DHX29: variants seen among roughly 807,000 people sequenced by gnomAD.
DHX29 encodes ATP-dependent RNA helicase DHX29.
A neutral mutation model predicts 167.9 loss-of-function variants in DHX29; 79 were observed. The observed-to-expected ratio is 0.47, with a 90% CI of 0.39 to 0.57. The LOEUF (loss-of-function observed/expected upper bound fraction) is 0.57, where lower values mean the gene tolerates loss of function less well. Among genes scored for constraint, DHX29 ranks in the 20% least tolerant of loss-of-function variants. The probability of loss-of-function intolerance (pLI) is 0.00; values close to 1 mark genes in which losing one functional copy is unlikely to be tolerated. For synonymous variants in DHX29, 530 were observed against 546.0 expected, an observed-to-expected ratio of 0.97 and a Z score of 0.41; for missense variants, 1,347 against 1,593.4, an observed-to-expected ratio of 0.85 and a Z score of 2.63.
At chr5:55,278,671 A>G (rs1747244730) in intron 12 of DHX29, among the ~76,000 whole-genome samples, 1 of 152,230 alleles carries the variant, frequency 6.6e-6, no homozygotes, top group South Asian at 2.1e-4. Flanking sequence ...GAAGGCTACT[A>G]AGACAAATGC....
Position 55,267,215 on chromosome 5 carries a change from G to C in DHX29, c.3448C>G (p.Gln1150Glu), listed in dbSNP as rs1468991393. 3.1e-6 allele frequency: 5 copies of C among 1,612,116 alleles called. No individual in the cohort carries two copies. The African/African-American group carries it at 4.0e-5, about 13-fold the overall frequency. The change falls in exon 23 of 27, where the codon CAA becomes GAA. Residue 1150 changes from glutamine to glutamate, a missense_variant. This residue lies in a region of DHX29 where 882 missense variants were observed against 1,082.4 expected (regional missense o/e 0.81). Coordinates refer to ENST00000251636, the MANE Select transcript of DHX29 (RefSeq NM_019030.4). ...NAYLGWKKAR[Q>E]EGGYRSEITY... ...ATTTCAGAACGATAACCTCCTTCTT[G>C]TCGTGCTTTCTTCCATCTAGATAAA...
intron 8 of DHX29, among the ~76,000 whole-genome samples, chr5:55,288,059 A>C (rs1324960551): frequency 6.6e-6 from 1 of 152,072 alleles, no homozygotes; most frequent in Non-Finnish European, 1.5e-5. Context: ...CCTGGTCAAC[A>C]TGGCGAAACC....
At chr5:55,307,302 C>T (rs1244254228) in intron 1 of DHX29, 85 bp downstream of exon 1, 10 of 1,173,130 alleles carry the variant, frequency 8.5e-6, no homozygotes, top group Middle Eastern at 2.1e-4. Flanking sequence ...GGGCCCGAAG[C>T]TCCTCCCGGG....
At position 55,290,211 on chromosome 5, in the gene DHX29, T is replaced by C; in HGVS notation, c.907+7A>G. On this transcript the variant is annotated splice_region_variant and intron_variant, in intron 7 of 26. Coordinates refer to ENST00000251636, the MANE Select transcript of DHX29 (RefSeq NM_019030.4). ...ATTTATACATCTAAGTATTTGAAAG[T>C]GTTTACCTCTTTGAAATTTCCTTAT... 1 of 1,604,444 alleles carries C rather than the reference T, an allele frequency of 6.2e-7. No individual in the cohort carries two copies. Among genetic ancestry groups the C allele is most frequent in the Non-Finnish European group, 8.5e-7 (1 of 1,178,044 alleles).
chr5:55,275,085 G>C, intron 14 of DHX29, 75 bp from the exon 15 acceptor site: 1 of 1,506,944 alleles, frequency 6.6e-7, no homozygotes, highest in Non-Finnish European at 9.0e-7. Flanking sequence ...GAAAAAAGGC[G>C]GTATTTGCAT....
rs756269772 is a variant in DHX29, at chr5:55,289,345, C to G, written c.991G>C (p.Val331Leu). 2 of 1,601,748 alleles carry G rather than the reference C, an allele frequency of 1.2e-6. No homozygotes were observed. The highest frequency in any genetic ancestry group is 1.7e-6 in the Non-Finnish European group (2 of 1,175,886). The change falls in exon 8 of 27, where the codon GTA becomes CTA. Residue 331 changes from valine (V) to leucine (L), a missense_variant. Val to Leu is a conservative substitution (Grantham distance 32, BLOSUM62 1). Transcript: ENST00000251636. ...AATGCACTTTCTCCTTCTGTGGCTA[C>G]AGGAGGCTTTTTCCTTTCATTTTGT... ...HQQNERKKPP[V>L]ATEGESALNF...
At chr5:55,296,644 CATT>C (rs1420984904) in intron 3 of DHX29, among the ~76,000 whole-genome samples, 2 of 152,120 alleles carry the variant, frequency 1.3e-5, no homozygotes, top group African/African-American at 4.8e-5. Flanking sequence ...TTTCACTTAA[CATT>C]ATAACATAAG....
intron 5 of DHX29, chr5:55,295,119 C>G (rs1385439083): frequency 3.2e-6 from 1 of 312,316 alleles, no homozygotes; most frequent in African/African-American, 2.1e-5. Flanking sequence ...TTGGAAGATA[C>G]TTCCTGGAAC....
rs1321401893 is a variant in DHX29, at chr5:55,307,396, C to T, written c.178G>A (p.Val60Ile). 1.2e-6 allele frequency: 2 copies of T among 1,612,790 alleles called. No homozygotes were observed. The highest frequency in any genetic ancestry group is 1.7e-6 in the Non-Finnish European group (2 of 1,179,606). ...AAAAGSREPR[V>I]KQGPKIYSFN... ...GGGGGACCTCTCGTACCTTGCTTGA[C>T]ACGGGGCTCCCTGGAGCCGGCAGCG... The change falls in exon 1 of 27, where the codon GTC becomes ATC. Residue 60 changes from valine (V) to isoleucine (I), a missense_variant. Coordinates refer to ENST00000251636, the MANE Select transcript of DHX29 (RefSeq NM_019030.4).
Position 55,307,297 on chromosome 5 carries a change from C to T in DHX29, c.187+90G>A, listed in dbSNP as rs139446336. ...TGTTGGGAAATAGAAATGTTGGGCC[C>T]GAAGCTCCTCCCGGGTTCTAAGGCC... On this transcript the variant is annotated intron_variant, in intron 1 of 26. Coordinates refer to ENST00000251636, the MANE Select transcript of DHX29 (RefSeq NM_019030.4). The T allele has an allele frequency of 7.9e-4, 889 of 1,127,498 alleles. 6 individuals carry two copies. The African/African-American group carries it at 0.012, about 16-fold the overall frequency. 69.8% of individuals were successfully genotyped at this position (1,127,498 alleles called of 1,614,324 possible).
chr5:55,273,731 C>G (rs980893450), intron 16 of DHX29, among the ~76,000 whole-genome samples: 1 of 151,962 alleles, frequency 6.6e-6, no homozygotes, highest in Admixed American at 6.6e-5. Context: ...CACGATTTAG[C>G]GGGTTGGCAG....
At position 55,269,540 on chromosome 5, in the gene DHX29, A is replaced by G; in HGVS notation, c.3167T>C (p.Ile1056Thr). The change falls in exon 21 of 27, where the codon ATT becomes ACT. Residue 1056 changes from isoleucine to threonine, a missense_variant. Ile to Thr is a moderately conservative substitution (Grantham distance 89). Around this residue, in one of 3 missense-constraint regions of DHX29, gnomAD observed 882 missense variants for 1,082.4 expected, o/e 0.81. Coordinates refer to ENST00000251636, the MANE Select transcript of DHX29 (RefSeq NM_019030.4). Reference sequence around the variant, plus strand: ...AGGCTCATTTAATTCACAAGCTCCAATTTTTCGGAGCAAATTCATTGCATT... The same window carrying G: ...AGGCTCATTTAATTCACAAGCTCCAGTTTTTCGGAGCAAATTCATTGCATT... ...ISNAMNLLRK[I>T]GACELNEPKL... The G allele has an allele frequency of 1.2e-6, 2 of 1,614,054 alleles. No individual in the cohort carries two copies. Among genetic ancestry groups the G allele is most frequent in the East Asian group, 4.5e-5 (2 of 44,870 alleles).
intron 6 of DHX29, among the ~76,000 whole-genome samples, chr5:55,291,411 T>C (rs1380505424): frequency 6.6e-6 from 1 of 152,184 alleles, no homozygotes; most frequent in African/African-American, 2.4e-5. Flanking sequence ...GAGGGTTAGC[T>C]ACCACCTCAA....
chr5:55,298,535 TGGGGGAAAAAA>T, intron 2 of DHX29, 45 bp downstream of exon 2: 1 of 1,074,086 alleles, frequency 9.3e-7, no homozygotes, highest in Non-Finnish European at 1.4e-6. Context: ...ACATCTTTTT[TGGGGGAAAAAA>T]GGGGGAAACA....
At chr5:55,264,070 G>A (rs967379011) in intron 23 of DHX29, among the ~76,000 whole-genome samples, 1 of 151,846 alleles carries the variant, frequency 6.6e-6, no homozygotes, top group Non-Finnish European at 1.5e-5. Context: ...TGAGATGGGA[G>A]GATCGCTTGA....
chr5:55,266,346 G>A (rs952297807), intron 23 of DHX29, among the ~76,000 whole-genome samples: 1 of 126,282 alleles, frequency 7.9e-6, no homozygotes, highest in Non-Finnish European at 1.6e-5. Flanking sequence ...TTTTGCTCTT[G>A]TTGCCCAGGC....
chr5:55,256,501 G>C lies in DHX29; in HGVS notation c.4097C>G (p.Thr1366Arg), dbSNP rs745937824. The C allele has an allele frequency of 1.3e-6, 2 of 1,587,960 alleles. No homozygotes were observed. Among genetic ancestry groups the C allele is most frequent in the Admixed American group, 1.8e-5 (1 of 55,588 alleles). ...TGAATTTCAGTTTCAGTTATTCTCT[G>C]TTTTTATCAATTCCGTAATGATCTG... is the stretch of plus-strand genomic sequence containing the variant. ...ILQIITELIK[T>R]ENN Residue 1366 changes from threonine (T) to arginine (R), a missense_variant, in exon 27 of 27, where the codon ACA becomes AGA. This residue lies in a region of DHX29 where 882 missense variants were observed against 1,082.4 expected (regional missense o/e 0.81). Coordinates refer to ENST00000251636, the MANE Select transcript of DHX29 (RefSeq NM_019030.4).
intron 16 of DHX29, 163 bp from the exon 17 acceptor site, chr5:55,273,540 T>C: frequency 1.3e-6 from 1 of 794,404 alleles, no homozygotes; most frequent in Non-Finnish European, 1.7e-6. Context: ...AAACCTCATA[T>C]ACATGCATCA....
At chr5:55,275,102 A>G in intron 14 of DHX29, 92 bp from the exon 15 acceptor site, 1 of 1,416,320 alleles carries the variant, frequency 7.1e-7, no homozygotes, top group Non-Finnish European at 9.6e-7. Flanking sequence ...GCATTCATTC[A>G]AATCTATATT....
Sources: allele counts gnomAD v4.1 joint callset (sites outside exome capture counted in the v4.1 genomes callset), GRCh38; gene constraint gnomAD v4.1.1; regional missense constraint gnomAD v4.1.1; transcripts MANE v1.5; gene names NCBI Gene and HGNC (gene_info 2026-07-23, HGNC 2026-07-21).